TET1: variants seen among roughly 807,000 people sequenced by gnomAD.
The protein encoded by TET1 is tet methylcytosine dioxygenase 1, also known as methylcytosine dioxygenase TET1.
In TET1, 13 loss-of-function variants were observed where a neutral mutation model predicts 148.7. The ratio of observed to expected loss-of-function variants is 0.09; its 90% CI spans 0.06 to 0.14. TET1 has a LOEUF of 0.14. Ranked by LOEUF, TET1 falls within the 10% of genes least tolerant of loss-of-function variation. The pLI, the probability that TET1 is intolerant of heterozygous loss-of-function variation, is 1.00. For missense variants in TET1, 2,182 were observed against 2,553.8 expected (o/e 0.85, Z 3.14); for synonymous variants, 907 against 937.2 (o/e 0.97, Z 0.59).
chr10:68,560,487 C>T lies in TET1; in HGVS notation c.-378C>T, dbSNP rs2053537887. 6.6e-6 allele frequency among the ~76,000 whole-genome samples: 1 copy of T among 152,204 alleles called. No individual in the cohort carries two copies. ...TGCCCCCCGGGACACCCCTCTGCCT[C>T]GCCCAAGTCATGCAGCCCTACCTGC... On this transcript the variant is annotated 5_prime_UTR_variant, in exon 1 of 12. Coordinates refer to ENST00000373644, the MANE Select transcript of TET1 (RefSeq NM_030625.3).
chr10:68,595,983 TACACACACACACACACAC>T lies in TET1; in HGVS notation c.1915-4970_1915-4953del, dbSNP rs773605594. On this transcript the variant is annotated intron_variant, in intron 2 of 11. Coordinates refer to ENST00000373644, the MANE Select transcript of TET1 (RefSeq NM_030625.3). The stretch of plus-strand genomic sequence containing the variant: ...ATATACACACACACACACACATATA[TACACACACACACACACAC>T]ACACACACACACACACACACACACA... Among the ~76,000 whole-genome samples, 12 of 50,428 alleles carry T rather than the reference TACACACACACACACACAC, an allele frequency of 2.4e-4. 2 individuals are homozygous for T. In the South Asian group the frequency reaches 9.0e-3, roughly 38 times the overall value. The allele number at this position is 50,428 out of a possible 152,430, so 33.1% of individuals were successfully genotyped here.
At chr10:68,600,891 T>C in intron 2 of TET1, 90 bp from the exon 3 acceptor site, 4 of 1,037,680 alleles carry the variant, frequency 3.9e-6, no homozygotes, top group Non-Finnish European at 3.0e-6. Flanking sequence ...TATAAATAGT[T>C]TTACAGAGAA....
Position 68,570,249 on chromosome 10 carries a change from C to T in TET1, c.-122-1968C>T, listed in dbSNP as rs550665069. 2.0e-3 allele frequency among the ~76,000 whole-genome samples: 307 copies of T among 152,026 alleles called. 4 individuals are homozygous for T. Among genetic ancestry groups the T allele is most frequent in the Non-Finnish European group, 4.1e-4 (28 of 67,964 alleles). On this transcript the variant is annotated intron_variant, in intron 1 of 11. Transcript: ENST00000373644. ...CCTCCGGAGTAGCTGGGATTACAGG[C>T]GCCTGCCACCACGCCCGGCTAATTT...
chr10:68,624,630 TTC>T (rs1158224215), intron 3 of TET1, among the ~76,000 whole-genome samples: 15 of 41,416 alleles, frequency 3.6e-4, no homozygotes, highest in Non-Finnish European at 5.2e-4. Context: ...CTTTCTTTCT[TTC>T]TTTCTTTCTT....
chr10:68,685,829 G>T (rs1418717347), intron 10 of TET1, among the ~76,000 whole-genome samples: 2 of 151,924 alleles, frequency 1.3e-5, no homozygotes, highest in Middle Eastern at 3.2e-3. Context: ...AACAGAAAGA[G>T]AATATTTATC....
At chr10:68,589,862 G>C (rs1284429816) in intron 2 of TET1, among the ~76,000 whole-genome samples, 2 of 151,566 alleles carry the variant, frequency 1.3e-5, no homozygotes, top group East Asian at 3.9e-4. Context: ...AGCAGAAATG[G>C]GGCTTCACTG....
intron 3 of TET1, among the ~76,000 whole-genome samples, chr10:68,636,682 C>G (rs548741901): frequency 2.6e-5 from 4 of 152,260 alleles, no homozygotes; most frequent in Admixed American, 1.3e-4. Context: ...AAGCCTGGCT[C>G]TAGTGAAGAG....
At chr10:68,633,502 C>G (rs2054607662) in intron 3 of TET1, among the ~76,000 whole-genome samples, 1 of 152,074 alleles carries the variant, frequency 6.6e-6, no homozygotes, top group Non-Finnish European at 1.5e-5. Flanking sequence ...CCACTTTAGC[C>G]TCCTGAGTAG....
intron 1 of TET1, among the ~76,000 whole-genome samples, chr10:68,567,089 C>T (rs1250282087): frequency 1.3e-5 from 2 of 152,136 alleles, no homozygotes; most frequent in Non-Finnish European, 2.9e-5. Flanking sequence ...CTACTTCCAA[C>T]GTCCATCTTT....
intron 3 of TET1, among the ~76,000 whole-genome samples, chr10:68,642,419 G>A (rs2054771456): frequency 6.6e-6 from 1 of 151,966 alleles, no homozygotes; most frequent in South Asian, 2.1e-4. Flanking sequence ...GGGGAACAGA[G>A]TGAGACCTTG....
At chr10:68,682,270 C>A (rs1352487684) in intron 9 of TET1, among the ~76,000 whole-genome samples, 2 of 151,686 alleles carry the variant, frequency 1.3e-5, no homozygotes, top group African/African-American at 4.8e-5. Context: ...CGCCACCACA[C>A]CCCGCTAATT....
intron 3 of TET1, among the ~76,000 whole-genome samples, chr10:68,617,446 T>C (rs868041333): frequency 1.6e-4 from 25 of 152,122 alleles, no homozygotes; most frequent in South Asian, 1.2e-3. Context: ...AGGGACACCC[T>C]ACCAAGCACA....
intron 3 of TET1, among the ~76,000 whole-genome samples, chr10:68,623,840 C>A (rs1241803762): frequency 6.6e-6 from 1 of 152,140 alleles, no homozygotes; most frequent in East Asian, 1.9e-4. Flanking sequence ...TTGGCATGTA[C>A]AAAGAAGATT....
intron 10 of TET1, among the ~76,000 whole-genome samples, chr10:68,685,091 C>T (rs973948751): frequency 7.3e-4 from 111 of 152,022 alleles, no homozygotes; most frequent in African/African-American, 2.7e-3. Flanking sequence ...CCTGTCTCTA[C>T]AATTAAAAAC....
At chr10:68,569,166 C>CTTTTTTTTT (rs34385747) in intron 1 of TET1, among the ~76,000 whole-genome samples, 5 of 69,778 alleles carry the variant, frequency 7.2e-5, no homozygotes, top group African/African-American at 2.3e-4. Flanking sequence ...AGGAGAGTTT[C>CTTTTTTTTT]TTTTTTTTTT....
chr10:68,655,274 C>A (rs1415230668), intron 6 of TET1, among the ~76,000 whole-genome samples: 2 of 152,218 alleles, frequency 1.3e-5, no homozygotes, highest in African/African-American at 4.8e-5. Context: ...TGCTTTCCAC[C>A]TTTCCCTGCT....
intron 6 of TET1, among the ~76,000 whole-genome samples, chr10:68,654,774 C>T (rs1361824887): frequency 6.6e-6 from 1 of 152,176 alleles, no homozygotes; most frequent in African/African-American, 2.4e-5. Flanking sequence ...CAGGTATTAT[C>T]TCCTGCAGTT....
chr10:68,661,818 A>ACACACAC (rs1554809964), intron 6 of TET1, among the ~76,000 whole-genome samples: 8,970 of 150,584 alleles, frequency 0.06, 859 homozygotes, highest in African/African-American at 0.2. Flanking sequence ...TTGTTAAAAA[A>ACACACAC]ACACACACAC....
At chr10:68,655,685 G>C (rs2055011214) in intron 6 of TET1, among the ~76,000 whole-genome samples, 1 of 152,118 alleles carries the variant, frequency 6.6e-6, no homozygotes, top group South Asian at 2.1e-4. Context: ...TCCTTAAGAA[G>C]GCAAATATAA....
Sources: allele counts gnomAD v4.1 joint callset (sites outside exome capture counted in the v4.1 genomes callset), GRCh38; gene constraint gnomAD v4.1.1; transcripts MANE v1.5; gene names NCBI Gene and HGNC (gene_info 2026-07-23, HGNC 2026-07-21).